The following MNAT1 variants were observed in gnomAD, a reference collection of about 807,000 sequenced individuals.
The protein encoded by MNAT1 is CDK-activating kinase assembly factor MAT1.
A neutral mutation model predicts 42.0 loss-of-function variants in MNAT1; 43 were observed. That is an observed-to-expected ratio of 1.02 (90% CI 0.80 to 1.32). The LOEUF is 1.32. Among genes scored for constraint, MNAT1 ranks in the 40% most tolerant of loss-of-function variants. The pLI is 0.00. For missense variants in MNAT1, 306 were observed against 350.4 expected (o/e 0.87, Z 1.01); for synonymous variants, 118 against 120.0 (o/e 0.98, Z 0.11).
intron 6 of MNAT1, among the ~76,000 whole-genome samples, chr14:60,843,479 C>T (rs1274736611): frequency 2.0e-5 from 3 of 152,016 alleles, no homozygotes; most frequent in African/African-American, 7.2e-5. Context: ...ACCGTGTTGG[C>T]CAGGCTGGTC....
rs996252786 is a variant in MNAT1 at position 60,867,807 on chromosome 14, G to A, written c.688-11907G>A. Among the ~76,000 whole-genome samples, 3 of 152,090 alleles carry A rather than the reference G, an allele frequency of 2.0e-5. No homozygotes were observed. In the East Asian group the frequency reaches 5.8e-4, roughly 29 times the overall value. ...GCACCTCAGTTCATTCTAGTTTAGA[G>A]ACAGTGCCAGGAGAAGTACATAGTT... is the stretch of plus-strand genomic sequence containing the variant. On this transcript the variant is annotated intron_variant, in intron 6 of 7. Transcript: ENST00000261245.
chr14:60,789,712 A>G (rs1458490435), intron 1 of MNAT1, among the ~76,000 whole-genome samples: 2 of 152,158 alleles, frequency 1.3e-5, no homozygotes, highest in Non-Finnish European at 2.9e-5. Flanking sequence ...CAGCACTATC[A>G]CATGCACACC....
intron 6 of MNAT1, among the ~76,000 whole-genome samples, chr14:60,839,581 G>C (rs1000156071): frequency 6.6e-6 from 1 of 152,178 alleles, no homozygotes; most frequent in Non-Finnish European, 1.5e-5. Flanking sequence ...ACCATGTTTG[G>C]GGGTGATGAG....
intron 6 of MNAT1, among the ~76,000 whole-genome samples, chr14:60,838,938 C>T (rs1254878902): frequency 6.6e-6 from 1 of 152,170 alleles, no homozygotes; most frequent in Non-Finnish European, 1.5e-5. Context: ...CCCCTGTCAC[C>T]TCAGCCCCCT....
chr14:60,915,331 C>G (rs370095067), intron 7 of MNAT1, among the ~76,000 whole-genome samples: 88 of 152,234 alleles, frequency 5.8e-4, no homozygotes, highest in African/African-American at 2.0e-3. Flanking sequence ...TCTCTTAATG[C>G]AATTATATTA....
intron 1 of MNAT1, among the ~76,000 whole-genome samples, chr14:60,750,289 C>T (rs1430411640): frequency 6.6e-6 from 1 of 151,032 alleles, no homozygotes; most frequent in Admixed American, 6.6e-5. Flanking sequence ...TGCAGTGGCG[C>T]GATCTCGGCT....
At chr14:60,829,325 C>G (rs552550417) in intron 6 of MNAT1, among the ~76,000 whole-genome samples, 2 of 151,990 alleles carry the variant, frequency 1.3e-5, no homozygotes, top group African/African-American at 4.8e-5. Context: ...ATTACAAGCC[C>G]CAAATGCCTA....
At chr14:60,866,232 G>C (rs2034199018) in intron 6 of MNAT1, among the ~76,000 whole-genome samples, 1 of 150,598 alleles carries the variant, frequency 6.6e-6, no homozygotes, top group East Asian at 2.0e-4. Flanking sequence ...TACATAAAGA[G>C]ATTAAAATAT....
chr14:60,760,313 T>G (rs1234554522), intron 1 of MNAT1, among the ~76,000 whole-genome samples: 5 of 152,200 alleles, frequency 3.3e-5, no homozygotes, highest in African/African-American at 1.2e-4. Context: ...ATATGAAATT[T>G]TGATAGCTCT....
chr14:60,887,328 T>G (rs544101994), intron 7 of MNAT1, among the ~76,000 whole-genome samples: 1 of 151,658 alleles, frequency 6.6e-6, no homozygotes, highest in South Asian at 2.1e-4. Context: ...CATGCTGGTG[T>G]GCTGTACCCA....
At chr14:60,940,035 T>A (rs564734223) in intron 7 of MNAT1, among the ~76,000 whole-genome samples, 150 of 152,352 alleles carry the variant, frequency 9.8e-4, no homozygotes, top group Non-Finnish European at 1.9e-3. Context: ...GTCTGTTTTA[T>A]GAGAGACTAG....
In MNAT1 at chr14:60,757,313, A is replaced by T. The variant is rs117117735; in HGVS notation, c.89+22362A>T. Among the ~76,000 whole-genome samples, 1,170 of 152,254 alleles carry T rather than the reference A, an allele frequency of 7.7e-3. 8 individuals carry two copies. Among genetic ancestry groups the T allele is most frequent in the Middle Eastern group, 0.02 (6 of 294 alleles). On this transcript the variant is annotated intron_variant, in intron 1 of 7. Coordinates refer to ENST00000261245, the MANE Select transcript of MNAT1 (RefSeq NM_002431.4). Reference sequence around the variant, plus strand: ...TGATAATTCCAAGTTATATTAATATATAGACTGTATCAAGCCACTATGAAA... The same window carrying T: ...TGATAATTCCAAGTTATATTAATATTTAGACTGTATCAAGCCACTATGAAA...
intron 6 of MNAT1, among the ~76,000 whole-genome samples, chr14:60,829,104 T>C (rs1956867): frequency 0.99 from 151,267 of 152,188 alleles, 75,188 homozygotes; most frequent in East Asian, 1. Flanking sequence ...CTCACCTCTT[T>C]CCAGAGGTTG....
At chr14:60,793,617 C>T (rs1336974289) in intron 1 of MNAT1, among the ~76,000 whole-genome samples, 1 of 151,754 alleles carries the variant, frequency 6.6e-6, no homozygotes, top group East Asian at 1.9e-4. Flanking sequence ...AAGCTATCTT[C>T]CTGCTTTGCC....
chr14:60,846,057 A>G (rs1183958750), intron 6 of MNAT1, among the ~76,000 whole-genome samples: 2 of 152,042 alleles, frequency 1.3e-5, no homozygotes, highest in Admixed American at 6.5e-5. Flanking sequence ...TTTACTAATA[A>G]TAAGCCTATT....
intron 6 of MNAT1, among the ~76,000 whole-genome samples, chr14:60,866,908 T>C (rs1344324718): frequency 6.6e-6 from 1 of 152,092 alleles, no homozygotes. Context: ...ATTGATATAA[T>C]AAGAATTCTA....
intron 7 of MNAT1, among the ~76,000 whole-genome samples, chr14:60,887,131 T>C (rs1337287219): frequency 6.6e-6 from 1 of 152,164 alleles, no homozygotes; most frequent in African/African-American, 2.4e-5. Flanking sequence ...TGGTTTTTAT[T>C]TTTCATTCTA....
At chr14:60,865,225 A>G (rs1199719862) in intron 6 of MNAT1, among the ~76,000 whole-genome samples, 1 of 152,058 alleles carries the variant, frequency 6.6e-6, no homozygotes, top group Non-Finnish European at 1.5e-5. Flanking sequence ...CTAATCTTAC[A>G]TGGTATTTTT....
At chr14:60,821,957 T>TA (rs1213625247) in intron 6 of MNAT1, among the ~76,000 whole-genome samples, 2 of 152,284 alleles carry the variant, frequency 1.3e-5, no homozygotes, top group Admixed American at 6.5e-5. Flanking sequence ...ACAGCCAAAA[T>TA]AAAAAAATTG....
Sources: allele counts gnomAD v4.1 joint callset (sites outside exome capture counted in the v4.1 genomes callset), GRCh38; gene constraint gnomAD v4.1.1; transcripts MANE v1.5; gene names NCBI Gene and HGNC (gene_info 2026-07-23, HGNC 2026-07-21).